Variants in TMEM267 observed in about 807,000 individuals in gnomAD.
TMEM267 encodes transmembrane protein 267, also known as transmembrane protein C5orf28.
A neutral mutation model predicts 19.3 loss-of-function variants in TMEM267; 20 were observed. The observed-to-expected ratio is 1.04, with a 90% CI of 0.73 to 1.51. The LOEUF is 1.51. Ranked by LOEUF, TMEM267 falls within the 40% of genes most tolerant of loss-of-function variation. The probability of loss-of-function intolerance (pLI) is 0.00; values close to 1 mark genes in which losing one functional copy is unlikely to be tolerated. For synonymous variants in TMEM267, 88 were observed against 90.3 expected (o/e 0.97, Z 0.15); for missense variants, 242 against 261.9 (o/e 0.92, Z 0.52).
At chr5:43,455,278 C>A (rs548012438) in intron 1 of TMEM267, among the ~76,000 whole-genome samples, 1 of 151,944 alleles carries the variant, frequency 6.6e-6, no homozygotes, top group South Asian at 2.1e-4. Context: ...AAAAAATTAG[C>A]TAGGCGTGGT....
At chr5:43,453,593 G>A (rs1742741536) in intron 2 of TMEM267, 65 bp downstream of exon 2, 1 of 1,413,934 alleles carries the variant, frequency 7.1e-7, no homozygotes, top group Admixed American at 2.1e-5. Flanking sequence ...AAATGATGCT[G>A]TAAAGATCAG....
chr5:43,475,060 A>G (rs1244089049), intron 1 of TMEM267, among the ~76,000 whole-genome samples: 1 of 152,224 alleles, frequency 6.6e-6, no homozygotes, highest in Non-Finnish European at 1.5e-5. Flanking sequence ...TCATTCTACT[A>G]TAAAGACTCA....
chr5:43,481,554 T>C (rs1744765850), intron 1 of TMEM267, among the ~76,000 whole-genome samples: 1 of 152,186 alleles, frequency 6.6e-6, no homozygotes, highest in Non-Finnish European at 1.5e-5. Context: ...AAATTTACTG[T>C]TTACAAAAAA....
At chr5:43,474,137 C>T (rs2877118) in intron 1 of TMEM267, among the ~76,000 whole-genome samples, 362 of 152,224 alleles carry the variant, frequency 2.4e-3, no homozygotes, top group Non-Finnish European at 4.0e-3. Context: ...AAGACTTAAA[C>T]GTAAGACCTA....
intron 1 of TMEM267, among the ~76,000 whole-genome samples, chr5:43,474,333 T>A (rs748165045): frequency 3.9e-5 from 6 of 152,126 alleles, no homozygotes; most frequent in Admixed American, 3.9e-4. Context: ...ACCTACAGAC[T>A]GGGAGAAAAT....
intron 1 of TMEM267, among the ~76,000 whole-genome samples, chr5:43,464,014 T>A (rs899660152): frequency 1.3e-5 from 2 of 152,196 alleles, no homozygotes; most frequent in African/African-American, 4.8e-5. Flanking sequence ...GAAGTCAAAT[T>A]GTTCCTGTTT....
intron 1 of TMEM267, among the ~76,000 whole-genome samples, chr5:43,478,763 T>C (rs1055537816): frequency 3.9e-5 from 6 of 152,072 alleles, no homozygotes; most frequent in African/African-American, 1.4e-4. Flanking sequence ...TGTCAAAAAA[T>C]ATGAAAAGAT....
intron 1 of TMEM267, among the ~76,000 whole-genome samples, chr5:43,467,948 A>G (rs188899680): frequency 6.6e-6 from 1 of 152,196 alleles, no homozygotes; most frequent in Non-Finnish European, 1.5e-5. Context: ...TCTGGATGGA[A>G]CTGATGTACT....
intron 1 of TMEM267, among the ~76,000 whole-genome samples, chr5:43,475,776 A>G (rs1450326708): frequency 6.6e-6 from 1 of 152,210 alleles, no homozygotes; most frequent in African/African-American, 2.4e-5. Context: ...CAATTTTTCA[A>G]TATAATAGCA....
chr5:43,446,428 A>T lies in TMEM267; in HGVS notation c.442T>A (p.Leu148Ile), dbSNP rs751517883. 1 of 1,614,098 alleles carries T rather than the reference A, an allele frequency of 6.2e-7. No homozygotes were observed. The highest frequency in any genetic ancestry group is 8.5e-7 in the Non-Finnish European group (1 of 1,179,948). ...TGATGTGAAGTCCAGGATATAAATA[A>T]CATCCAGGGAAGAAAGCACCATGAG... is the stretch of plus-strand genomic sequence containing the variant. ...KDSWCFLPWM[L>I]FISWTSHHIR... Residue 148 changes from leucine to isoleucine, a missense_variant, in exon 3 of 3, where the codon TTA (leucine) becomes ATA (isoleucine). By Grantham distance (5) the Leu-to-Ile change is conservative. Transcript: ENST00000397080.
rs147956579 is a variant in TMEM267 at position 43,449,492 on chromosome 5, A to G, written c.313-2935T>C. Among the ~76,000 whole-genome samples, 478 of 152,322 alleles carry G rather than the reference A, an allele frequency of 3.1e-3. 6 individuals carry two copies. The highest frequency in any genetic ancestry group is 0.011 in the African/African-American group (452 of 41,586). ...AAACGAAAAATAAAAATGCAAATCT[A>G]TTAAAAGAGCCCATCTGAAAAAACT... On this transcript the variant is annotated intron_variant, in intron 2 of 2. Coordinates refer to ENST00000397080, the MANE Select transcript of TMEM267 (RefSeq NM_022483.5).
intron 1 of TMEM267, among the ~76,000 whole-genome samples, chr5:43,462,923 A>G (rs1479274959): frequency 3.3e-5 from 5 of 152,200 alleles, no homozygotes; most frequent in African/African-American, 1.2e-4. Context: ...GCAGAAGGCA[A>G]GAAATAACTA....
At chr5:43,478,610 G>T (rs1744572945) in intron 1 of TMEM267, among the ~76,000 whole-genome samples, 1 of 152,084 alleles carries the variant, frequency 6.6e-6, no homozygotes, top group Non-Finnish European at 1.5e-5. Context: ...ACAAATAAAT[G>T]GAGGAAATTT....
At chr5:43,472,886 TCCCAGCA>T (rs141948774) in intron 1 of TMEM267, among the ~76,000 whole-genome samples, 11,382 of 151,522 alleles carry the variant, frequency 0.075, 747 homozygotes, top group African/African-American at 0.17. Flanking sequence ...ACACCTGTAA[TCCCAGCA>T]CTTCAGGAGG....
At chr5:43,474,063 T>C (rs943145686) in intron 1 of TMEM267, among the ~76,000 whole-genome samples, 10 of 152,196 alleles carry the variant, frequency 6.6e-5, no homozygotes, top group African/African-American at 2.4e-5. Flanking sequence ...GCTAGCCATA[T>C]GCAGAAAGCT....
At chr5:43,447,243 C>G (rs1176655813) in intron 2 of TMEM267, among the ~76,000 whole-genome samples, 1 of 152,014 alleles carries the variant, frequency 6.6e-6, no homozygotes, top group Non-Finnish European at 1.5e-5. Flanking sequence ...GCACCTGCCA[C>G]CATGCCCGGC....
At position 43,446,337 on chromosome 5, in the gene TMEM267, A is replaced by G; in HGVS notation, c.533T>C (p.Phe178Ser). 1 of 1,613,962 alleles carries G rather than the reference A, an allele frequency of 6.2e-7. No individual in the cohort carries two copies. Among genetic ancestry groups the G allele is most frequent in the South Asian group, 1.1e-5 (1 of 91,078 alleles). ...TGATGTGATTATTACATAAAGCCAG[A>G]ATGGCAAAGGAGAAGTTTTTCCAAA... Reference protein sequence around the residue: ...CPFGKTSPLPFWLYVIITSSL... With the variant: ...CPFGKTSPLPSWLYVIITSSL... Residue 178 changes from phenylalanine (F) to serine (S), a missense_variant, in exon 3 of 3, where the codon TTC (phenylalanine) becomes TCC (serine). Coordinates refer to ENST00000397080, the MANE Select transcript of TMEM267 (RefSeq NM_022483.5).
intron 2 of TMEM267, among the ~76,000 whole-genome samples, chr5:43,452,905 G>GA (rs1742699059): frequency 6.6e-6 from 1 of 152,216 alleles, no homozygotes; most frequent in Non-Finnish European, 1.5e-5. Flanking sequence ...GAATGAAACA[G>GA]AAAGTCCTTG....
intron 1 of TMEM267, among the ~76,000 whole-genome samples, chr5:43,471,498 A>G (rs1290472225): frequency 1.3e-5 from 2 of 152,186 alleles, no homozygotes; most frequent in African/African-American, 2.4e-5. Context: ...TATCCTAAGC[A>G]AAAAGAACAA....
Sources: allele counts gnomAD v4.1 joint callset (sites outside exome capture counted in the v4.1 genomes callset), GRCh38; gene constraint gnomAD v4.1.1; transcripts MANE v1.5; gene names NCBI Gene and HGNC (gene_info 2026-07-23, HGNC 2026-07-21).